CDH4: variants seen among roughly 807,000 people sequenced by gnomAD.
CDH4 encodes cadherin 4.
In CDH4, 33 loss-of-function variants were observed where a neutral mutation model predicts 86.0. The observed-to-expected ratio is 0.38, with a 90% confidence interval of 0.29 to 0.51. The LOEUF is 0.51. Ranked by LOEUF, CDH4 falls within the 20% of genes least tolerant of loss-of-function variation. The pLI is 0.86. For missense variants in CDH4, 1,114 were observed against 1,307.4 expected (o/e 0.85, Z 2.28); for synonymous variants, 555 against 549.4 (o/e 1.01, Z -0.14).
At chr20:61,719,015 G>A (rs1230469427) in intron 2 of CDH4, 1 of 471,216 alleles carries the variant, frequency 2.1e-6, no homozygotes, top group Admixed American at 2.3e-5. Flanking sequence ...CATCACGAGT[G>A]GCTCTAAGTG....
intron 2 of CDH4, among the ~76,000 whole-genome samples, chr20:61,569,200 G>T (rs150657247): frequency 6.6e-6 from 1 of 152,028 alleles, no homozygotes; most frequent in Admixed American, 6.5e-5. Context: ...CGCCTTCTGG[G>T]GTGGCCATGA....
chr20:61,747,741 G>A (rs917057124), intron 3 of CDH4, among the ~76,000 whole-genome samples: 1 of 151,992 alleles, frequency 6.6e-6, no homozygotes, highest in Non-Finnish European at 1.5e-5. Context: ...ATACACAGAA[G>A]GAAAATACAG....
intron 3 of CDH4, among the ~76,000 whole-genome samples, chr20:61,765,457 T>C (rs1302827683): frequency 6.6e-6 from 1 of 152,102 alleles, no homozygotes; most frequent in Admixed American, 6.5e-5. Context: ...CCAGGAAAGG[T>C]AGCTGAAGCC....
At chr20:61,458,657 A>G (rs1600694197) in intron 2 of CDH4, among the ~76,000 whole-genome samples, 1 of 151,976 alleles carries the variant, frequency 6.6e-6, no homozygotes, top group East Asian at 1.9e-4. Flanking sequence ...TGATGGTGAT[A>G]ATGGTAATGA....
chr20:61,559,355 C>T (rs73611540), intron 2 of CDH4, among the ~76,000 whole-genome samples: 7,248 of 151,910 alleles, frequency 0.048, 320 homozygotes, highest in East Asian at 0.23. Context: ...TATTGCTGCT[C>T]GTTGGAATGC....
At chr20:61,595,731 G>A (rs771834991) in intron 2 of CDH4, among the ~76,000 whole-genome samples, 6 of 152,202 alleles carry the variant, frequency 3.9e-5, no homozygotes, top group African/African-American at 9.7e-5. Context: ...TCTAAGCAGC[G>A]TGGTGTGTTG....
chr20:61,729,764 C>G (rs2145923799), intron 2 of CDH4, among the ~76,000 whole-genome samples: 1 of 152,322 alleles, frequency 6.6e-6, no homozygotes, highest in Non-Finnish European at 1.5e-5. Flanking sequence ...ATTTTCTCAT[C>G]AGAGAGAGAT....
chr20:61,870,725 G>A (rs1438154348), intron 6 of CDH4, among the ~76,000 whole-genome samples: 23 of 152,096 alleles, frequency 1.5e-4, no homozygotes, highest in Admixed American at 1.4e-3. Context: ...GGTCACCACC[G>A]ACCCCCATGA....
Position 61,844,677 on chromosome 20 carries a change from G to A in CDH4, c.586G>A (p.Asp196Asn), listed in dbSNP as rs1323119434. The stretch of plus-strand genomic sequence containing the variant: ...TGCTCCTGCCTTTCAGATCCGGTCC[G>A]ACAAAGACAATGACATCCCCATCCG... ...FPQQLVRIRS[D>N]KDNDIPIRYS... The change falls in exon 5 of 16, where the codon GAC becomes AAC. Residue 196 changes from aspartate to asparagine, a missense_variant. Physicochemically the swap from Asp to Asn is conservative, Grantham distance 23. Coordinates refer to ENST00000614565, the MANE Select transcript of CDH4 (RefSeq NM_001794.5). 5.0e-6 allele frequency: 8 copies of A among 1,611,296 alleles called. No homozygotes were observed. The highest frequency in any genetic ancestry group is 2.7e-5 in the African/African-American group (2 of 74,896).
chr20:61,900,576 A>G (rs924877663), intron 8 of CDH4, among the ~76,000 whole-genome samples: 19 of 152,234 alleles, frequency 1.2e-4, no homozygotes, highest in African/African-American at 3.6e-4. Flanking sequence ...GACGTGGGGG[A>G]ATGGCGGACT....
At chr20:61,436,311 T>C (rs2085281863) in intron 2 of CDH4, among the ~76,000 whole-genome samples, 1 of 152,184 alleles carries the variant, frequency 6.6e-6, no homozygotes, top group Non-Finnish European at 1.5e-5. Context: ...TGACACTGTC[T>C]AGCAGAGGCA....
intron 2 of CDH4, among the ~76,000 whole-genome samples, chr20:61,505,248 C>T (rs982824124): frequency 6.6e-6 from 1 of 152,140 alleles, no homozygotes; most frequent in Non-Finnish European, 1.5e-5. Flanking sequence ...GAGAGCAGCA[C>T]CGTCATCAGC....
chr20:61,697,608 G>A (rs2087728742), intron 2 of CDH4, among the ~76,000 whole-genome samples: 1 of 151,844 alleles, frequency 6.6e-6, no homozygotes, highest in South Asian at 2.1e-4. Context: ...GGGGCGGGGG[G>A]AACAAAAAAA....
At chr20:61,321,227 A>G (rs963465145) in intron 2 of CDH4, among the ~76,000 whole-genome samples, 1 of 152,146 alleles carries the variant, frequency 6.6e-6, no homozygotes, top group African/African-American at 2.4e-5. Flanking sequence ...TAACTCTGCA[A>G]ATTAGAACAG....
rs558842575 is a variant in CDH4 at position 61,505,584 on chromosome 20, C to T, written c.170-237979C>T. ...AGTACCCTTCCTAACGCTGGTGCCCCACTCAGCACTTGCTTAGGAAGGTCT... is the reference window on the plus strand; with the variant it reads ...AGTACCCTTCCTAACGCTGGTGCCCTACTCAGCACTTGCTTAGGAAGGTCT... On this transcript the variant is annotated intron_variant, in intron 2 of 15. Transcript: ENST00000614565. Among the ~76,000 whole-genome samples the T allele has an allele frequency of 2.0e-5, 3 of 152,266 alleles. No individual in the cohort carries two copies. The South Asian group carries it at 6.2e-4, about 32-fold the overall frequency.
chr20:61,308,758 C>A (rs1041106813), intron 2 of CDH4, among the ~76,000 whole-genome samples: 1 of 152,196 alleles, frequency 6.6e-6, no homozygotes, highest in Non-Finnish European at 1.5e-5. Context: ...TGATTGCAGG[C>A]GGAGGAGAGG....
At chr20:61,692,241 A>ATGTGTGTGTATGTGTGTGTGTGTATGTG (rs1179669113) in intron 2 of CDH4, among the ~76,000 whole-genome samples, 2 of 97,422 alleles carry the variant, frequency 2.1e-5, no homozygotes, top group South Asian at 7.2e-4. Flanking sequence ...GTGTGTATGT[A>ATGTGTGTGTATGTGTGTGTGTGTATGTG]TGTGTGTGTA....
intron 2 of CDH4, among the ~76,000 whole-genome samples, chr20:61,494,733 T>C (rs1258121859): frequency 6.6e-6 from 1 of 152,240 alleles, no homozygotes; most frequent in Non-Finnish European, 1.5e-5. Flanking sequence ...TAACAAAGCA[T>C]TGGAGAGAAA....
At chr20:61,842,419 T>C (rs1384016471) in intron 4 of CDH4, among the ~76,000 whole-genome samples, 1 of 152,210 alleles carries the variant, frequency 6.6e-6, no homozygotes, top group Non-Finnish European at 1.5e-5. Context: ...GTCTCGTTCT[T>C]TGCTCTGGAA....
Sources: allele counts gnomAD v4.1 joint callset (sites outside exome capture counted in the v4.1 genomes callset), GRCh38; gene constraint gnomAD v4.1.1; transcripts MANE v1.5; gene names NCBI Gene and HGNC (gene_info 2026-07-23, HGNC 2026-07-21).